The following STARD13 variants were observed in gnomAD, a reference collection of about 807,000 sequenced individuals.
STARD13 encodes the protein StAR related lipid transfer domain containing 13, also known as stAR-related lipid transfer protein 13.
STARD13 carries 62 observed loss-of-function variants against 106.4 expected under a neutral mutation model. The ratio of observed to expected loss-of-function variants is 0.58; its 90% CI spans 0.48 to 0.72. STARD13 has a LOEUF of 0.72. STARD13 is among the 30% of genes least tolerant of loss of function. The pLI, the probability that STARD13 is intolerant of heterozygous loss-of-function variation, is 0.00. For missense variants in STARD13, 1,387 were observed against 1,424.0 expected (o/e 0.97, Z 0.42); for synonymous variants, 565 against 553.0 (o/e 1.02, Z -0.31).
At chr13:33,561,276 T>C in the STARD13 span, among the ~76,000 whole-genome samples, 1 of 151,526 alleles carries the variant, frequency 6.6e-6, no homozygotes, top group South Asian at 2.1e-4. Context: ...GGATTTATTC[T>C]AGGGCTTAAA....
intron 1 of STARD13, among the ~76,000 whole-genome samples, chr13:33,189,822 G>A (rs558021197): frequency 1.3e-5 from 2 of 151,936 alleles, no homozygotes; most frequent in Non-Finnish European, 2.9e-5. Context: ...GGTGATCCCA[G>A]TTTCTAGCAG....
intron 7 of STARD13, among the ~76,000 whole-genome samples, 169 bp downstream of exon 7, chr13:33,125,912 A>G (rs1877084046): frequency 6.6e-6 from 1 of 152,344 alleles, no homozygotes; most frequent in Non-Finnish European, 1.5e-5. Context: ...CTCAAATAGG[A>G]CATGTCTTGT....
the STARD13 span, among the ~76,000 whole-genome samples, chr13:33,523,670 T>G: frequency 6.6e-6 from 1 of 152,112 alleles, no homozygotes; most frequent in Non-Finnish European, 1.5e-5. Context: ...ATAGAAAAGG[T>G]TGGTCAATTT....
At chr13:33,158,573 G>T (rs1004002136) in intron 3 of STARD13, 1 of 152,174 alleles carries the variant, frequency 6.6e-6, no homozygotes, top group Admixed American at 6.5e-5. Context: ...AGCCCACAAA[G>T]CTTTAAAAAT....
chr13:33,357,808 C>T, the STARD13 span, among the ~76,000 whole-genome samples: 2 of 152,166 alleles, frequency 1.3e-5, no homozygotes, highest in Non-Finnish European at 2.9e-5. Context: ...TGAGAGGTGA[C>T]AGCATGCTGG....
intron 1 of STARD13, among the ~76,000 whole-genome samples, chr13:33,260,581 G>A (rs1890591776): frequency 6.6e-6 from 1 of 152,170 alleles, no homozygotes; most frequent in African/African-American, 2.4e-5. Context: ...GACAGAGCCT[G>A]GACACTGTCC....
the STARD13 span, among the ~76,000 whole-genome samples, chr13:33,481,991 A>G: frequency 6.6e-6 from 1 of 152,030 alleles, no homozygotes; most frequent in Non-Finnish European, 1.5e-5. Flanking sequence ...TCGAAAAAAA[A>G]AAAAAAGAAA....
At chr13:33,635,836 T>G in the STARD13 span, among the ~76,000 whole-genome samples, 1 of 150,602 alleles carries the variant, frequency 6.6e-6, no homozygotes, top group African/African-American at 2.4e-5. Context: ...TACAAAAAAT[T>G]AGCCGGGTGT....
At chr13:33,516,172 T>C in the STARD13 span, among the ~76,000 whole-genome samples, 1 of 147,886 alleles carries the variant, frequency 6.8e-6, no homozygotes, top group South Asian at 2.1e-4. Flanking sequence ...AATGTATATA[T>C]AATTCATATA....
chr13:33,326,824 A>C (rs1419409433), intron 1 of STARD13, among the ~76,000 whole-genome samples: 5 of 152,220 alleles, frequency 3.3e-5, no homozygotes, highest in Non-Finnish European at 7.3e-5. Flanking sequence ...TTCACACTCA[A>C]GTGGTGCTCT....
chr13:33,320,894 C>T (rs1036540772), intron 1 of STARD13, among the ~76,000 whole-genome samples: 1 of 152,094 alleles, frequency 6.6e-6, no homozygotes, highest in Non-Finnish European at 1.5e-5. Flanking sequence ...TCATACCCTC[C>T]CTCTATGCAA....
chr13:33,535,227 A>C, the STARD13 span, among the ~76,000 whole-genome samples: 1 of 152,206 alleles, frequency 6.6e-6, no homozygotes, highest in Non-Finnish European at 1.5e-5. Flanking sequence ...AAAAGAAAAA[A>C]AAAGGAGAAC....
the STARD13 span, among the ~76,000 whole-genome samples, chr13:33,434,769 G>C: frequency 6.6e-6 from 1 of 152,092 alleles, no homozygotes; most frequent in African/African-American, 2.4e-5. Flanking sequence ...AGTTCATTTA[G>C]TCAGCAAATG....
chr13:33,120,504 C>T (rs1876115626), intron 7 of STARD13, among the ~76,000 whole-genome samples: 1 of 152,132 alleles, frequency 6.6e-6, no homozygotes, highest in Non-Finnish European at 1.5e-5. Flanking sequence ...TGTGCTGCCT[C>T]GAAGTCTGAC....
At chr13:33,638,989 C>G in the STARD13 span, among the ~76,000 whole-genome samples, 2 of 151,974 alleles carry the variant, frequency 1.3e-5, no homozygotes, top group Non-Finnish European at 2.9e-5. Context: ...CAAATTCATT[C>G]TTTCCGCAGA....
chr13:33,633,171 C>A, the STARD13 span, among the ~76,000 whole-genome samples: 1 of 152,310 alleles, frequency 6.6e-6, no homozygotes, highest in African/African-American at 2.4e-5. Context: ...CTTGTGGGTA[C>A]TTAGAAAGCC....
chr13:33,343,683 G>T (rs376128537), downstream of STARD13, among the ~76,000 whole-genome samples: 5 of 146,668 alleles, frequency 3.4e-5, no homozygotes, highest in African/African-American at 1.0e-4. Context: ...CTCCAAATCT[G>T]TTCCTTTCTC....
At chr13:33,126,267 C>G in intron 6 of STARD13, 27 bp from the exon 7 acceptor site, 1 of 1,610,728 alleles carries the variant, frequency 6.2e-7, no homozygotes, top group Non-Finnish European at 8.5e-7. Context: ...CCAGGTCATG[C>G]AAGCCTCCTG....
At chr13:33,487,495 G>T in the STARD13 span, among the ~76,000 whole-genome samples, 2 of 152,164 alleles carry the variant, frequency 1.3e-5, no homozygotes, top group African/African-American at 4.8e-5. Context: ...AAGGGGGAAA[G>T]TTCAGAATGT....
Sources: allele counts gnomAD v4.1 joint callset (sites outside exome capture counted in the v4.1 genomes callset), GRCh38; gene constraint gnomAD v4.1.1; transcripts MANE v1.5; gene names NCBI Gene and HGNC (gene_info 2026-07-23, HGNC 2026-07-21).